Variants in PIANP observed in about 807,000 individuals in gnomAD.
The protein encoded by PIANP is PILR alpha associated neural protein.
A neutral mutation model predicts 28.9 loss-of-function variants in PIANP; 14 were observed. The ratio of observed to expected loss-of-function variants is 0.49; its 90% CI spans 0.32 to 0.76. The LOEUF (loss-of-function observed/expected upper bound fraction) is 0.76. Among genes scored for constraint, PIANP ranks in the 30% least tolerant of loss-of-function variants. The pLI is 0.03. For synonymous variants in PIANP, 149 were observed against 156.6 expected, an observed-to-expected ratio of 0.95 and a Z score of 0.36; for missense variants, 322 against 371.8, an observed-to-expected ratio of 0.87 and a Z score of 1.10.
In PIANP at chr12:6,695,455, C is replaced by T; in HGVS notation, c.802G>A (p.Gly268Arg). 6 of 1,508,042 alleles carry T rather than the reference C, an allele frequency of 4.0e-6. No homozygotes were observed. The highest frequency in any genetic ancestry group is 2.3e-4 in the Middle Eastern group (1 of 4,304). 93.4% of individuals were successfully genotyped at this position (1,508,042 alleles called of 1,614,324 possible). The change falls in exon 5 of 5, where the codon GGG becomes AGG. Residue 268 changes from glycine to arginine, a missense_variant. Gly to Arg is a moderately radical substitution (Grantham distance 125, BLOSUM62 -2). Transcript: ENST00000534837. This position sits in a 1 kb window ranked among gnomAD's most constrained non-coding sequence, Gnocchi z 4.2. ...GPRPGMPHPK[G>R]APAFQLNR ...CGGTTCAACTGGAAGGCTGGAGCCCCCTTGGGGTGGGGCATCCCAGGCCGG... is the reference window on the plus strand; with the variant it reads ...CGGTTCAACTGGAAGGCTGGAGCCCTCTTGGGGTGGGGCATCCCAGGCCGG...
Position 6,696,465 on chromosome 12 carries a change from T to C in PIANP, c.583A>G (p.Thr195Ala). ...TACCAGAACTTGAAGATGATGCCAG[T>C]GGCCACGAGAACAATGATGATGGAG... Reference protein sequence around the residue: ...TISIIIVLVATGIIFKFCWDR... With the variant: ...TISIIIVLVAAGIIFKFCWDR... The change falls in exon 4 of 5, where the codon ACT becomes GCT. Residue 195 changes from threonine to alanine, a missense_variant. Coordinates refer to ENST00000534837, the MANE Select transcript of PIANP (RefSeq NM_001244014.2). This position sits in a 1 kb window ranked among gnomAD's most constrained non-coding sequence, Gnocchi z 4.0. The C allele has an allele frequency of 1.2e-6, 2 of 1,601,394 alleles. No homozygotes were observed. The highest frequency in any genetic ancestry group is 1.7e-5 in the Admixed American group (1 of 58,308).
In PIANP at chr12:6,698,112, A is replaced by C. The variant is rs936988989; in HGVS notation, c.-43-8T>G. The C allele has an allele frequency of 1.3e-6, 2 of 1,547,298 alleles. No individual in the cohort carries two copies. Among genetic ancestry groups the C allele is most frequent in the Admixed American group, 3.9e-5 (2 of 51,494 alleles). ...CCAGATTTTCAGCCTTTACTGGGAGAAAAAGGGGGCCGTCACACCCCAGCC... is the reference window on the plus strand; with the variant it reads ...CCAGATTTTCAGCCTTTACTGGGAGCAAAAGGGGGCCGTCACACCCCAGCC... On this transcript the variant is annotated splice_region_variant and splice_polypyrimidine_tract_variant and intron_variant, in intron 1 of 4. Transcript: ENST00000534837.
chr12:6,697,578 G>A lies in PIANP; in HGVS notation c.232C>T (p.Arg78Trp), dbSNP rs1210626473. Residue 78 changes from arginine to tryptophan, a missense_variant, in exon 3 of 5, where the codon CGG becomes TGG. Coordinates refer to ENST00000534837, the MANE Select transcript of PIANP (RefSeq NM_001244014.2). This position sits in a 1 kb window ranked among gnomAD's most constrained non-coding sequence, Gnocchi z 6.9. ...GGTGCAGTGCCAGGCAGGACTTGCC[G>A]ACGTGATCTTGGGACCCGAGGAGAT... Reference protein sequence around the residue: ...SRSPRVPRSRRQVLPGTAPPA... With the variant: ...SRSPRVPRSRWQVLPGTAPPA... 6.3e-6 allele frequency: 10 copies of A among 1,593,632 alleles called. No individual in the cohort carries two copies. Among genetic ancestry groups the A allele is most frequent in the Middle Eastern group, 1.7e-4 (1 of 6,040 alleles).
chr12:6,700,268 G>C lies in PIANP; in HGVS notation c.-44+346C>G, dbSNP rs1960014534. 1 of 152,476 alleles carries C rather than the reference G, an allele frequency of 6.6e-6. No individual in the cohort carries two copies. The highest frequency in any genetic ancestry group is 2.1e-4 in the South Asian group (1 of 4,834). 9.4% of individuals were successfully genotyped at this position (152,476 alleles called of 1,614,324 possible). A position where few individuals can be genotyped will look rare whatever the true frequency, so the allele number is the denominator to read the frequency against. On this transcript the variant is annotated intron_variant, in intron 1 of 4. Transcript: ENST00000534837. This position sits in a 1 kb window ranked among gnomAD's most constrained non-coding sequence, Gnocchi z 5.5. Reference sequence around the variant, plus strand: ...TCCCCGCACAGGGCTGGAGAGCGGCGAGAGTGGGGGGAGACGAGGAAAAGG... The same window carrying C: ...TCCCCGCACAGGGCTGGAGAGCGGCCAGAGTGGGGGGAGACGAGGAAAAGG...
In PIANP at chr12:6,696,337, C is replaced by A; in HGVS notation, c.605+106G>T. 3.2e-5 allele frequency: 24 copies of A among 752,610 alleles called. No homozygotes were observed. The highest frequency in any genetic ancestry group is 4.3e-5 in the Non-Finnish European group (21 of 484,560). 46.6% of individuals were successfully genotyped at this position (752,610 alleles called of 1,614,324 possible). ...AAGGTCTTGCCTTCATCCAGCATTT[C>A]CCACCCACCCCCCAGCAAAATTGCT... On this transcript the variant is annotated intron_variant, in intron 4 of 4. Transcript: ENST00000534837. The surrounding 1 kb of genome is among the most constrained non-coding windows in gnomAD (Gnocchi z 4.0).
At position 6,697,150 on chromosome 12, in the gene PIANP, T is replaced by C; in HGVS notation, c.523+137A>G. 7.7e-7 allele frequency: 1 copy of C among 1,294,036 alleles called. No homozygotes were observed. The highest frequency in any genetic ancestry group is 1.0e-6 in the Non-Finnish European group (1 of 953,646). The allele number at this position is 1,294,036 out of a possible 1,614,324, so 80.2% of individuals were successfully genotyped here. ...GACCTGAACTCCGAGAGGGTGTCTTTATCTCTGCATCCTGTGCCAGTATAG... is the reference window on the plus strand; with the variant it reads ...GACCTGAACTCCGAGAGGGTGTCTTCATCTCTGCATCCTGTGCCAGTATAG... On this transcript the variant is annotated intron_variant, in intron 3 of 4. Coordinates refer to ENST00000534837, the MANE Select transcript of PIANP (RefSeq NM_001244014.2). The surrounding 1 kb of genome is among the most constrained non-coding windows in gnomAD (Gnocchi z 6.9).
At chr12:6,698,825 C>T (rs1032720269) in intron 1 of PIANP, among the ~76,000 whole-genome samples, 7 of 152,102 alleles carry the variant, frequency 4.6e-5, no homozygotes, top group African/African-American at 9.7e-5. Flanking sequence ...CTGGGAAAAT[C>T]GGGATGGTTG....
chr12:6,694,892 G>A lies in PIANP; in HGVS notation c.*534C>T. 1 of 1,003,660 alleles carries A rather than the reference G, an allele frequency of 1.0e-6. No homozygotes were observed. The highest frequency in any genetic ancestry group is 1.4e-6 in the Non-Finnish European group (1 of 715,996). 62.2% of individuals were successfully genotyped at this position (1,003,660 alleles called of 1,614,324 possible). ...AGCAGATAGGATTGCCCGTGGGGCT[G>A]GGGAGTGTTCCGGGTGGTGTGCAAG... On this transcript the variant is annotated 3_prime_UTR_variant, in exon 5 of 5. Transcript: ENST00000534837. This position sits in a 1 kb window ranked among gnomAD's most constrained non-coding sequence, Gnocchi z 6.1.
At position 6,694,732 on chromosome 12, in the gene PIANP, GGA is replaced by G; in HGVS notation, c.*692_*693del. The G allele has an allele frequency of 2.7e-6, 1 of 369,072 alleles. No individual in the cohort carries two copies. The highest frequency in any genetic ancestry group is 4.1e-5 in the East Asian group (1 of 24,358). 22.9% of individuals were successfully genotyped at this position (369,072 alleles called of 1,614,324 possible). On this transcript the variant is annotated 3_prime_UTR_variant, in exon 5 of 5. Transcript: ENST00000534837. The surrounding 1 kb of genome is among the most constrained non-coding windows in gnomAD (Gnocchi z 6.1). Reference sequence around the variant, plus strand: ...CAGCTGAGCGGAGCGGTATGGACGGGGAGAGGGTGCAGGAGCGTGTGCAAATG... The same window carrying G: ...CAGCTGAGCGGAGCGGTATGGACGGGGAGGGTGCAGGAGCGTGTGCAAATG...
In PIANP at chr12:6,697,673, G is replaced by A. The variant is rs769049047; in HGVS notation, c.137C>T (p.Pro46Leu). Residue 46 changes from proline (P) to leucine (L), a missense_variant, in exon 3 of 5, where the codon CCG becomes CTG. Coordinates refer to ENST00000534837, the MANE Select transcript of PIANP (RefSeq NM_001244014.2). This position sits in a 1 kb window ranked among gnomAD's most constrained non-coding sequence, Gnocchi z 6.9. ...GGCCGAGGGGCCTCCCCTGGCACAC[G>A]GGGGGCGGGCTGGGGCTGGTGGGGT... Reference protein sequence around the residue: ...PRTPPAPARPPCARGGPSAPR... With the variant: ...PRTPPAPARPLCARGGPSAPR... 5.9e-5 allele frequency: 92 copies of A among 1,556,516 alleles called. 1 individual carries two copies. The highest frequency in any genetic ancestry group is 3.3e-4 in the South Asian group (28 of 84,500).
Position 6,699,309 on chromosome 12 carries a change from G to A in PIANP, c.-43-1205C>T, listed in dbSNP as rs965252623. Among the ~76,000 whole-genome samples, 3 of 152,178 alleles carry A rather than the reference G, an allele frequency of 2.0e-5. No homozygotes were observed. In the South Asian group the frequency reaches 6.2e-4, roughly 32 times the overall value. The stretch of plus-strand genomic sequence containing the variant: ...AGAGAACAACAAGGGAACAAGATGG[G>A]AAAGTCACGGGAAGGGCGTGGGGAA... On this transcript the variant is annotated intron_variant, in intron 1 of 4. Transcript: ENST00000534837.
In PIANP at chr12:6,695,698, C is replaced by G. The variant is rs1053415603; in HGVS notation, c.606-47G>C. ...GGTTCTCTTGCACACTCAAGTAGCC[C>G]CCATCCTGGGCCTGCACCAGTGGTC... On this transcript the variant is annotated intron_variant, in intron 4 of 4. Transcript: ENST00000534837. This position sits in a 1 kb window ranked among gnomAD's most constrained non-coding sequence, Gnocchi z 4.2. The G allele has an allele frequency of 1.7e-5, 24 of 1,422,582 alleles. No homozygotes were observed. Among genetic ancestry groups the G allele is most frequent in the Non-Finnish European group, 2.0e-5 (22 of 1,082,956 alleles). The allele number at this position is 1,422,582 out of a possible 1,614,324, so 88.1% of individuals were successfully genotyped here.
At chr12:6,692,360 A>G (rs1274249039), downstream of PIANP, among the ~76,000 whole-genome samples, 2 of 152,216 alleles carry the variant, frequency 1.3e-5, no homozygotes, top group Non-Finnish European at 2.9e-5. Flanking sequence ...GTGAGAGCCC[A>G]GTGTGCTCTC....
rs1326131780 is a variant in PIANP, at chr12:6,700,775, G to C, written c.-205C>G. ...CGGGCGCCTGGGGCGCGGGGCGGCG[G>C]CGGTGGGAGATGCTCGCCTCGGCTC... On this transcript the variant is annotated 5_prime_UTR_variant, in exon 1 of 5. Coordinates refer to ENST00000534837, the MANE Select transcript of PIANP (RefSeq NM_001244014.2). This position sits in a 1 kb window ranked among gnomAD's most constrained non-coding sequence, Gnocchi z 5.5. 1 of 152,560 alleles carries C rather than the reference G, an allele frequency of 6.6e-6. No individual in the cohort carries two copies. Among genetic ancestry groups the C allele is most frequent in the Non-Finnish European group, 1.5e-5 (1 of 68,074 alleles). The allele number at this position is 152,560 out of a possible 1,614,324, so 9.5% of individuals were successfully genotyped here.
At position 6,697,177 on chromosome 12, in the gene PIANP, G is replaced by T. The variant is rs1315511667; in HGVS notation, c.523+110C>A. 2.8e-6 allele frequency: 4 copies of T among 1,443,538 alleles called. No homozygotes were observed. The highest frequency in any genetic ancestry group is 1.8e-4 in the Middle Eastern group (1 of 5,688). 89.4% of individuals were successfully genotyped at this position (1,443,538 alleles called of 1,614,324 possible). A position where few individuals can be genotyped will look rare whatever the true frequency, so the allele number is the denominator to read the frequency against. On this transcript the variant is annotated intron_variant, in intron 3 of 4. Transcript: ENST00000534837. This position sits in a 1 kb window ranked among gnomAD's most constrained non-coding sequence, Gnocchi z 6.9. ...TCTCTGCATCCTGTGCCAGTATAGT[G>T]CCTGACACATTTGTTGAAGGAGCTA...
At position 6,700,806 on chromosome 12, in the gene PIANP, G is replaced by A. The variant is rs1056774559; in HGVS notation, c.-236C>T. Reference sequence around the variant, plus strand: ...GGAGATGCTCGCCTCGGCTCGGCTCGGCTCGGCTCGGCTGGGCTCGGCGCG... The same window carrying A: ...GGAGATGCTCGCCTCGGCTCGGCTCAGCTCGGCTCGGCTGGGCTCGGCGCG... On this transcript the variant is annotated 5_prime_UTR_variant, in exon 1 of 5. Transcript: ENST00000534837. The surrounding 1 kb of genome is among the most constrained non-coding windows in gnomAD (Gnocchi z 5.5). The A allele has an allele frequency of 9.2e-5, 14 of 151,786 alleles. No individual in the cohort carries two copies. The highest frequency in any genetic ancestry group is 3.4e-4 in the African/African-American group (14 of 41,224). The allele number at this position is 151,786 out of a possible 1,614,324, so 9.4% of individuals were successfully genotyped here. A position where few individuals can be genotyped will look rare whatever the true frequency, so the allele number is the denominator to read the frequency against.
At chr12:6,693,373 A>C (rs1005506917), downstream of PIANP, among the ~76,000 whole-genome samples, 1 of 151,920 alleles carries the variant, frequency 6.6e-6, no homozygotes, top group Non-Finnish European at 1.5e-5. Context: ...CTTCTTTCGG[A>C]TGGCTGGCTC....
intron 1 of PIANP, chr12:6,698,397 C>G (rs1959943421): frequency 2.3e-6 from 1 of 433,116 alleles, no homozygotes; most frequent in South Asian, 2.5e-5. Context: ...GCCCACAGCT[C>G]CAGGCTTTTC....
rs868149476 is a variant in PIANP at position 6,697,395 on chromosome 12, C to T, written c.415G>A (p.Ala139Thr). 1.1e-5 allele frequency: 18 copies of T among 1,613,894 alleles called. No individual in the cohort carries two copies. Among genetic ancestry groups the T allele is most frequent in the South Asian group, 3.3e-5 (3 of 91,092 alleles). Residue 139 changes from alanine (A) to threonine (T), a missense_variant, in exon 3 of 5, where the codon GCA (alanine) becomes ACA (threonine). Physicochemically the swap from Ala to Thr is moderately conservative, Grantham distance 58. Transcript: ENST00000534837. The surrounding 1 kb of genome is among the most constrained non-coding windows in gnomAD (Gnocchi z 6.9). ...DYGFAAPHGL[A>T]TPHPNSDSMR... is the part of the protein sequence containing the mutation. Reference sequence around the variant, plus strand: ...GAGTCTGAGTTGGGGTGTGGGGTTGCGAGCCCATGAGGGGCTGCAAAACCA... The same window carrying T: ...GAGTCTGAGTTGGGGTGTGGGGTTGTGAGCCCATGAGGGGCTGCAAAACCA...
Sources: gnomAD v4.1 joint callset for allele counts (sites outside exome capture counted in the v4.1 genomes callset) on GRCh38, gnomAD v4.1.1 for gene constraint, Gnocchi (gnomAD v3.1) non-coding constraint, MANE v1.5 for transcripts, NCBI Gene and HGNC (gene_info 2026-07-23, HGNC 2026-07-21) for gene names.